Variants in ATRN observed in about 807,000 individuals in gnomAD.
ATRN encodes the protein attractin.
A neutral mutation model predicts 178.7 loss-of-function variants in ATRN; 54 were observed. That is an observed-to-expected ratio of 0.30 (90% CI 0.24 to 0.38). The LOEUF (loss-of-function observed/expected upper bound fraction) is 0.38. ATRN is among the 10% of genes least tolerant of loss of function. ATRN has a pLI of 1.00. For missense variants in ATRN, 1,443 were observed against 1,815.1 expected, an observed-to-expected ratio of 0.79 and a Z score of 3.73; for synonymous variants, 636 against 663.0, an observed-to-expected ratio of 0.96 and a Z score of 0.63.
intron 20 of ATRN, 36 bp downstream of exon 20, chr20:3,594,608 C>T: frequency 6.4e-7 from 1 of 1,554,976 alleles, no homozygotes; most frequent in Non-Finnish European, 8.8e-7. Context: ...CAGGGAGGAC[C>T]AAGAGGCTGT....
chr20:3,633,529 G>A (rs1318932591), intron 25 of ATRN, among the ~76,000 whole-genome samples: 1 of 152,168 alleles, frequency 6.6e-6, no homozygotes, highest in Non-Finnish European at 1.5e-5. Context: ...GTAGCACTCT[G>A]GAAAAATACC....
At chr20:3,528,683 T>G (rs1054696436) in intron 1 of ATRN, among the ~76,000 whole-genome samples, 2 of 151,452 alleles carry the variant, frequency 1.3e-5, no homozygotes, top group African/African-American at 4.9e-5. Context: ...ATCAAACCCC[T>G]GTGAAACCTG....
chr20:3,639,190 G>A (rs1017709806), intron 27 of ATRN, among the ~76,000 whole-genome samples: 1 of 152,132 alleles, frequency 6.6e-6, no homozygotes, highest in African/African-American at 2.4e-5. Context: ...TTTCTTTTAA[G>A]TATTCTGTGG....
chr20:3,489,088 G>C (rs772117326), intron 1 of ATRN, among the ~76,000 whole-genome samples: 1 of 152,092 alleles, frequency 6.6e-6, no homozygotes, highest in African/African-American at 2.4e-5. Flanking sequence ...AGCCTCCCAA[G>C]TAGCTGGGAT....
At chr20:3,493,998 G>A (rs1304536087) in intron 1 of ATRN, among the ~76,000 whole-genome samples, 2 of 152,166 alleles carry the variant, frequency 1.3e-5, no homozygotes, top group Non-Finnish European at 2.9e-5. Flanking sequence ...GAAAGTCTTG[G>A]TAGTGTAGTG....
chr20:3,644,384 C>A, intron 28 of ATRN, 116 bp downstream of exon 28: 1 of 849,898 alleles, frequency 1.2e-6, no homozygotes, highest in Middle Eastern at 3.1e-4. Context: ...CAGTGCCTGC[C>A]CATGCCATGG....
At chr20:3,631,266 A>G (rs924273437) in intron 25 of ATRN, among the ~76,000 whole-genome samples, 17 of 152,182 alleles carry the variant, frequency 1.1e-4, no homozygotes, top group African/African-American at 3.9e-4. Context: ...AAAAGAATTT[A>G]AAATGGAGCC....
chr20:3,588,662 A>G (rs1362892173), intron 18 of ATRN, among the ~76,000 whole-genome samples: 5 of 152,082 alleles, frequency 3.3e-5, no homozygotes, highest in Non-Finnish European at 5.9e-5. Flanking sequence ...TGTGATTACT[A>G]TCTGGTTTTC....
chr20:3,536,225 T>C (rs1182046035), intron 2 of ATRN, among the ~76,000 whole-genome samples: 2 of 152,086 alleles, frequency 1.3e-5, no homozygotes, highest in Admixed American at 1.3e-4. Context: ...TTTATTTATT[T>C]TGAGATGTCA....
In ATRN at chr20:3,471,062, G is replaced by C; in HGVS notation, c.-46G>C. 2 of 1,471,174 alleles carry C rather than the reference G, an allele frequency of 1.4e-6. No homozygotes were observed. The highest frequency in any genetic ancestry group is 1.8e-6 in the Non-Finnish European group (2 of 1,118,382). 91.1% of individuals were successfully genotyped at this position (1,471,174 alleles called of 1,614,324 possible). A position where few individuals can be genotyped will look rare whatever the true frequency, so the allele number is the denominator to read the frequency against. On this transcript the variant is annotated 5_prime_UTR_variant, in exon 1 of 29. Transcript: ENST00000262919. ...CCAGGCGAAGCGGAGCCGGCCGTGCGGTGTGTGTGTATGTGTTCGCGGGGC... is the reference window on the plus strand; with the variant it reads ...CCAGGCGAAGCGGAGCCGGCCGTGCCGTGTGTGTGTATGTGTTCGCGGGGC...
intron 13 of ATRN, 71 bp downstream of exon 13, chr20:3,576,019 T>G: frequency 6.8e-7 from 1 of 1,476,736 alleles, no homozygotes; most frequent in East Asian, 2.4e-5. Flanking sequence ...ATAGTGTATA[T>G]GGTATAAATA....
Position 3,582,391 on chromosome 20 carries a change from T to C in ATRN, c.2764+37T>C, listed in dbSNP as rs1335560651. On this transcript the variant is annotated intron_variant, in intron 16 of 28. Transcript: ENST00000262919. ...GGTGAATTAGGTGGTATTCAGAGTT[T>C]ATTGTGAGAGAAACCATAGGAGGCA... is the stretch of plus-strand genomic sequence containing the variant. The C allele has an allele frequency of 3.8e-6, 6 of 1,584,952 alleles. No homozygotes were observed. In the East Asian group the frequency reaches 9.0e-5, roughly 24 times the overall value.
intron 26 of ATRN, among the ~76,000 whole-genome samples, chr20:3,637,220 G>A (rs1056517986): frequency 6.6e-6 from 1 of 152,166 alleles, no homozygotes; most frequent in African/African-American, 2.4e-5. Context: ...TAAAATGTCA[G>A]CCATTATTTA....
At chr20:3,575,044 G>A (rs892616295) in intron 12 of ATRN, among the ~76,000 whole-genome samples, 10 of 150,702 alleles carry the variant, frequency 6.6e-5, no homozygotes, top group Non-Finnish European at 1.5e-4. Flanking sequence ...TGCAACCTCC[G>A]CCTCCCAGGT....
chr20:3,471,285 C>T lies in ATRN; in HGVS notation c.178C>T (p.Arg60Trp). The T allele has an allele frequency of 2.0e-6, 3 of 1,469,422 alleles. No homozygotes were observed. The highest frequency in any genetic ancestry group is 2.5e-5 in the Admixed American group (1 of 40,720). The allele number at this position is 1,469,422 out of a possible 1,614,324, so 91.0% of individuals were successfully genotyped here. ...PRLLSPPLRP[R>W]LLLLLLLLSP... ...GCTGCTGTCTCCACCGCTGCGGCCACGGCTGCTGCTGCTGCTGTTGTTGCT... is the reference window on the plus strand; with the variant it reads ...GCTGCTGTCTCCACCGCTGCGGCCATGGCTGCTGCTGCTGCTGTTGTTGCT... Residue 60 changes from arginine (R) to tryptophan (W), a missense_variant, in exon 1 of 29, where the codon CGG (arginine) becomes TGG (tryptophan). Arg to Trp is a moderately radical substitution (Grantham distance 101). Coordinates refer to ENST00000262919, the MANE Select transcript of ATRN (RefSeq NM_139321.3).
intron 24 of ATRN, among the ~76,000 whole-genome samples, chr20:3,613,117 T>C (rs1191708428): frequency 2.0e-5 from 3 of 152,216 alleles, no homozygotes; most frequent in African/African-American, 7.2e-5. Flanking sequence ...CCTTATCTTT[T>C]CTGGATCACT....
intron 15 of ATRN, among the ~76,000 whole-genome samples, chr20:3,579,990 ACACT>A (rs1472527681): frequency 6.6e-6 from 1 of 152,076 alleles, no homozygotes; most frequent in Non-Finnish European, 1.5e-5. Flanking sequence ...TGGGGTATGG[ACACT>A]CAAACATTGG....
chr20:3,568,397 C>T (rs2086068919), intron 11 of ATRN, among the ~76,000 whole-genome samples: 1 of 151,728 alleles, frequency 6.6e-6, no homozygotes, highest in Admixed American at 6.6e-5. Context: ...CCTGTTATCC[C>T]AGCACTTTGG....
In ATRN at chr20:3,599,686, G is replaced by A. The variant is rs1031468956; in HGVS notation, c.3565-1260G>A. 2.6e-5 allele frequency among the ~76,000 whole-genome samples: 4 copies of A among 152,196 alleles called. No individual in the cohort carries two copies. In the East Asian group the frequency reaches 5.8e-4, roughly 22 times the overall value. ...CTTTTCATATGCAAGGGTTCTATGGGCAGACTGCGGACTGGAGTATGTGTG... is the reference window on the plus strand; with the variant it reads ...CTTTTCATATGCAAGGGTTCTATGGACAGACTGCGGACTGGAGTATGTGTG... On this transcript the variant is annotated intron_variant, in intron 22 of 28. Transcript: ENST00000262919.
Sources: allele counts gnomAD v4.1 joint callset (sites outside exome capture counted in the v4.1 genomes callset), GRCh38; gene constraint gnomAD v4.1.1; transcripts MANE v1.5; gene names NCBI Gene and HGNC (gene_info 2026-07-23, HGNC 2026-07-21).